GPNMB: variants seen among roughly 807,000 people sequenced by gnomAD.
GPNMB encodes the protein glycoprotein nmb, also known as transmembrane glycoprotein NMB.
GPNMB carries 71 observed loss-of-function variants against 57.3 expected under a neutral mutation model. The ratio of observed to expected loss-of-function variants is 1.24; its 90% CI spans 1.02 to 1.51. The LOEUF is 1.51. Among genes scored for constraint, GPNMB ranks in the 40% most tolerant of loss-of-function variants. The pLI is 0.00. For synonymous variants in GPNMB, 253 were observed against 263.2 expected, an observed-to-expected ratio of 0.96 and a Z score of 0.38; for missense variants, 677 against 691.9, an observed-to-expected ratio of 0.98 and a Z score of 0.24.
At chr7:23,248,118 A>G (rs988305720) in intron 1 of GPNMB, 5 of 152,228 alleles carry the variant, frequency 3.3e-5, no homozygotes, top group Admixed American at 2.6e-4. Flanking sequence ...CCATTTCCTC[A>G]TTTCCTTCAA....
intron 6 of GPNMB, among the ~76,000 whole-genome samples, chr7:23,265,833 A>G (rs537047798): frequency 6.6e-6 from 1 of 151,110 alleles, no homozygotes; most frequent in African/African-American, 2.4e-5. Flanking sequence ...CAAACAGCTA[A>G]AAACAAGGGA....
chr7:23,267,945 C>T lies in GPNMB; in HGVS notation c.1177C>T (p.Pro393Ser). The T allele has an allele frequency of 1.2e-6, 2 of 1,613,636 alleles. No individual in the cohort carries two copies. Among genetic ancestry groups the T allele is most frequent in the Non-Finnish European group, 1.7e-6 (2 of 1,179,590 alleles). ...AGACGTCCTGATGCCGGTGCCATGG[C>T]CTGAAAGCTCCCTAATAGACTTTGT... is the stretch of plus-strand genomic sequence containing the variant. ...MTDVLMPVPW[P>S]ESSLIDFVVT... is the part of the protein sequence containing the mutation. Residue 393 changes from proline (P) to serine (S), a missense_variant, in exon 8 of 11, where the codon CCT (proline) becomes TCT (serine). Coordinates refer to ENST00000258733, the MANE Select transcript of GPNMB (RefSeq NM_002510.3).
intron 3 of GPNMB, among the ~76,000 whole-genome samples, 174 bp from the exon 4 acceptor site, chr7:23,256,718 G>A (rs1470400514): frequency 6.6e-6 from 1 of 152,178 alleles, no homozygotes; most frequent in African/African-American, 2.4e-5. Flanking sequence ...TCAGAAAAGT[G>A]CACAAGTCAT....
In GPNMB at chr7:23,262,662, A is replaced by G. The variant is rs187358865; in HGVS notation, c.1018+1889A>G. 5.9e-3 allele frequency among the ~76,000 whole-genome samples: 677 copies of G among 113,882 alleles called. 7 individuals are homozygous for G. Among genetic ancestry groups the G allele is most frequent in the African/African-American group, 0.021 (617 of 30,066 alleles). The allele number at this position is 113,882 out of a possible 152,430, so 74.7% of individuals were successfully genotyped here. On this transcript the variant is annotated intron_variant, in intron 6 of 10. Transcript: ENST00000258733. ...GAGACAGCGTCTTGCTCTAACACCCAGGCTGGAGTGCAGTGGCACAATCTT... is the reference window on the plus strand; with the variant it reads ...GAGACAGCGTCTTGCTCTAACACCCGGGCTGGAGTGCAGTGGCACAATCTT...
chr7:23,271,063 G>T (rs1490496622), intron 9 of GPNMB, among the ~76,000 whole-genome samples: 1 of 152,236 alleles, frequency 6.6e-6, no homozygotes, highest in African/African-American at 2.4e-5. Context: ...AACGGGGATG[G>T]TGGGGGATGG....
chr7:23,265,651 G>T (rs1000155455), intron 6 of GPNMB, among the ~76,000 whole-genome samples: 3 of 152,060 alleles, frequency 2.0e-5, no homozygotes, highest in African/African-American at 7.2e-5. Flanking sequence ...CTGAAAGAAA[G>T]AAACTGTGAT....
At chr7:23,264,021 T>G (rs1050643309) in intron 6 of GPNMB, among the ~76,000 whole-genome samples, 3 of 152,008 alleles carry the variant, frequency 2.0e-5, no homozygotes, top group Admixed American at 6.6e-5. Flanking sequence ...GCATGTGTGC[T>G]ATTTTTAAGT....
intron 3 of GPNMB, 93 bp from the exon 4 acceptor site, chr7:23,256,799 A>T (rs1782788945): frequency 9.8e-7 from 1 of 1,023,144 alleles, no homozygotes; most frequent in Admixed American, 2.3e-5. Flanking sequence ...TAGTTATGAA[A>T]AAAATACGAA....
At chr7:23,265,511 T>G (rs1783036001) in intron 6 of GPNMB, among the ~76,000 whole-genome samples, 1 of 152,160 alleles carries the variant, frequency 6.6e-6, no homozygotes, top group South Asian at 2.1e-4. Flanking sequence ...CAAGGCTTAT[T>G]TTTCAAAAAT....
Position 23,260,426 on chromosome 7 carries a change from CTTTA to C in GPNMB, c.701-26_701-23del, listed in dbSNP as rs778421863. The stretch of plus-strand genomic sequence containing the variant: ...ACTTACAATCAAGCAATCATGCATT[CTTTA>C]TTTCTTTGGGGGATGTATCTTTTAG... On this transcript the variant is annotated intron_variant, in intron 5 of 10. Coordinates refer to ENST00000258733, the MANE Select transcript of GPNMB (RefSeq NM_002510.3). 1.0e-4 allele frequency: 156 copies of C among 1,535,882 alleles called. No individual in the cohort carries two copies. The African/African-American group carries it at 1.8e-3, about 18-fold the overall frequency.
chr7:23,250,567 C>CAA (rs11454349), intron 1 of GPNMB: 79 of 146,184 alleles, frequency 5.4e-4, no homozygotes, highest in Middle Eastern at 3.4e-3. Flanking sequence ...CCCATCTCTT[C>CAA]AAAAAAAAAA....
chr7:23,270,563 A>C (rs1424336569), intron 9 of GPNMB, among the ~76,000 whole-genome samples: 7 of 152,182 alleles, frequency 4.6e-5, no homozygotes, highest in Non-Finnish European at 7.3e-5. Flanking sequence ...CTGATATCAC[A>C]TTTTCATGAA....
chr7:23,246,801 C>T lies in GPNMB; in HGVS notation c.-57C>T, dbSNP rs746783897. 30 of 1,270,324 alleles carry T rather than the reference C, an allele frequency of 2.4e-5. No homozygotes were observed. In the African/African-American group the frequency reaches 4.0e-4, roughly 17 times the overall value. The allele number at this position is 1,270,324 out of a possible 1,614,324, so 78.7% of individuals were successfully genotyped here. A position where few individuals can be genotyped will look rare whatever the true frequency, so the allele number is the denominator to read the frequency against. On this transcript the variant is annotated 5_prime_UTR_variant, in exon 1 of 11. In the 5' UTR this introduces an upstream ATG that the reference lacks. Coordinates refer to ENST00000258733, the MANE Select transcript of GPNMB (RefSeq NM_002510.3). ...GAAGAACACTGTTGCTCTTGGTGGA[C>T]GGGCCCAGAGGAATTCAGAGTTAAA...
intron 3 of GPNMB, among the ~76,000 whole-genome samples, chr7:23,256,110 T>C (rs180688767): frequency 6.6e-4 from 101 of 152,276 alleles, no homozygotes; most frequent in Non-Finnish European, 1.4e-3. Context: ...TTCACCATGT[T>C]GGCCAGGCTG....
intron 1 of GPNMB, among the ~76,000 whole-genome samples, chr7:23,252,450 CAG>C (rs1338273026): frequency 1.3e-5 from 2 of 152,142 alleles, no homozygotes; most frequent in East Asian, 3.9e-4. Flanking sequence ...AAAGATATAC[CAG>C]TTAAACACTA....
Position 23,270,074 on chromosome 7 carries a change from G to GACGA in GPNMB, c.1331_1334dup (p.Phe446AsnfsTer17), listed in dbSNP as rs747750361. 23 of 1,613,992 alleles carry GACGA rather than the reference G, an allele frequency of 1.4e-5. No individual in the cohort carries two copies. Among genetic ancestry groups the GACGA allele is most frequent in the Non-Finnish European group, 1.9e-5 (22 of 1,180,002 alleles). On this transcript the variant is annotated frameshift_variant, in exon 9 of 11. Transcript: ENST00000258733. LOFTEE classifies it high-confidence loss of function. ...GATGAGATGTGTCTGCTGACTGTGA[G>GACGA]ACGAACCTTCAATGGGTCTGGGACG...
At chr7:23,270,701 A>G (rs1783183255) in intron 9 of GPNMB, among the ~76,000 whole-genome samples, 1 of 152,214 alleles carries the variant, frequency 6.6e-6, no homozygotes. Context: ...TACAGAACAC[A>G]GTAAGAAACC....
chr7:23,262,040 C>A (rs1387076338), intron 6 of GPNMB, among the ~76,000 whole-genome samples: 1 of 152,104 alleles, frequency 6.6e-6, no homozygotes, highest in African/African-American at 2.4e-5. Context: ...CACAAGAGGG[C>A]GCCAGGGACC....
intron 1 of GPNMB, among the ~76,000 whole-genome samples, chr7:23,249,119 G>C (rs1782604621): frequency 6.6e-6 from 1 of 151,938 alleles, no homozygotes; most frequent in South Asian, 2.1e-4. Flanking sequence ...ACAGGGTTTT[G>C]CCATGTTGCC....
Sources: gnomAD v4.1 joint callset for allele counts (sites outside exome capture counted in the v4.1 genomes callset) on GRCh38, gnomAD v4.1.1 for gene constraint, MANE v1.5 for transcripts, NCBI Gene and HGNC (gene_info 2026-07-23, HGNC 2026-07-21) for gene names.